ZFAND6: variants seen among roughly 807,000 people sequenced by gnomAD.
ZFAND6 encodes AN1-type zinc finger protein 6.
In ZFAND6, 12 loss-of-function variants were observed where a neutral mutation model predicts 24.5. The ratio of observed to expected loss-of-function variants is 0.49; its 90% confidence interval spans 0.31 to 0.79. The LOEUF (loss-of-function observed/expected upper bound fraction) is 0.79. Ranked by LOEUF, ZFAND6 falls within the 30% of genes least tolerant of loss-of-function variation. ZFAND6 has a pLI of 0.04. For synonymous variants in ZFAND6, 92 were observed against 81.5 expected (o/e 1.13, Z -0.69); for missense variants, 207 against 245.9 (o/e 0.84, Z 1.06).
At chr15:80,085,920 A>T (rs2037972311) in intron 1 of ZFAND6, among the ~76,000 whole-genome samples, 1 of 152,108 alleles carries the variant, frequency 6.6e-6, no homozygotes, top group Non-Finnish European at 1.5e-5. Context: ...ACCATTGTGT[A>T]TTACTCTCTT....
chr15:80,106,140 T>C (rs1345685984), intron 2 of ZFAND6, among the ~76,000 whole-genome samples: 1 of 152,216 alleles, frequency 6.6e-6, no homozygotes, highest in Non-Finnish European at 1.5e-5. Context: ...TATCAAGATA[T>C]CCTTGAACAA....
At chr15:80,107,991 T>A (rs2039425035) in intron 2 of ZFAND6, among the ~76,000 whole-genome samples, 1 of 152,076 alleles carries the variant, frequency 6.6e-6, no homozygotes, top group Non-Finnish European at 1.5e-5. Flanking sequence ...TTGGGTTGAA[T>A]CCCAGCTCCT....
At chr15:80,084,205 C>T (rs534802771) in intron 1 of ZFAND6, among the ~76,000 whole-genome samples, 1 of 152,198 alleles carries the variant, frequency 6.6e-6, no homozygotes, top group African/African-American at 2.4e-5. Context: ...TTCAGAGAGG[C>T]AAGAGATTAA....
chr15:80,122,140 A>T (rs577135451), intron 4 of ZFAND6, among the ~76,000 whole-genome samples: 2 of 152,226 alleles, frequency 1.3e-5, no homozygotes, highest in South Asian at 2.1e-4. Context: ...ACCGTGTATT[A>T]AAAAAATACA....
In ZFAND6 at chr15:80,098,416, G is replaced by A. The variant is rs759930995; in HGVS notation, c.-180G>A. On this transcript the variant is annotated splice_region_variant and 5_prime_UTR_variant, in exon 2 of 7. Transcript: ENST00000261749. Reference sequence around the variant, plus strand: ...CTGTTTCATGTTAAATGTGTTACAGGAATGAATCTGAAGTCTGCTGCAGTA... The same window carrying A: ...CTGTTTCATGTTAAATGTGTTACAGAAATGAATCTGAAGTCTGCTGCAGTA... 2.0e-5 allele frequency: 3 copies of A among 152,116 alleles called. No individual in the cohort carries two copies. Among genetic ancestry groups the A allele is most frequent in the African/African-American group, 4.8e-5 (2 of 41,424 alleles). The allele number at this position is 152,116 out of a possible 1,614,324, so 9.4% of individuals were successfully genotyped here. A position where few individuals can be genotyped will look rare whatever the true frequency, so the allele number is the denominator to read the frequency against.
At chr15:80,066,319 T>TAA (rs57890328) in intron 1 of ZFAND6, among the ~76,000 whole-genome samples, 21 of 130,506 alleles carry the variant, frequency 1.6e-4, no homozygotes, top group Admixed American at 2.3e-4. Flanking sequence ...TATCGAAACA[T>TAA]AAAAAAAAAA....
intron 1 of ZFAND6, among the ~76,000 whole-genome samples, chr15:80,076,741 C>G (rs1018626305): frequency 1.7e-4 from 26 of 152,104 alleles, no homozygotes; most frequent in African/African-American, 6.0e-4. Context: ...AAGTCCTTTC[C>G]TTTACACACT....
chr15:80,130,823 T>C (rs1284642053), intron 5 of ZFAND6: 1 of 191,796 alleles, frequency 5.2e-6, no homozygotes, highest in African/African-American at 2.3e-5. Flanking sequence ...ACTATGCATA[T>C]GGCTATTGTC....
At chr15:80,105,813 C>T (rs1012492498) in intron 2 of ZFAND6, among the ~76,000 whole-genome samples, 2 of 152,152 alleles carry the variant, frequency 1.3e-5, no homozygotes, top group Non-Finnish European at 2.9e-5. Flanking sequence ...GTCATCCCTA[C>T]AAGGTGTGTT....
intron 5 of ZFAND6, 131 bp from the exon 6 acceptor site, chr15:80,131,049 A>C: frequency 1.6e-6 from 1 of 609,690 alleles, no homozygotes; most frequent in Non-Finnish European, 2.7e-6. Context: ...ACAACTTTGT[A>C]ATTTAATGAC....
intron 1 of ZFAND6, among the ~76,000 whole-genome samples, chr15:80,064,211 C>G (rs1453007677): frequency 6.6e-6 from 1 of 152,136 alleles, no homozygotes; most frequent in Non-Finnish European, 1.5e-5. Flanking sequence ...ATCACTGAAT[C>G]AAAGCATATG....
At chr15:80,097,727 A>G (rs1238897330) in intron 1 of ZFAND6, among the ~76,000 whole-genome samples, 1 of 152,232 alleles carries the variant, frequency 6.6e-6, no homozygotes, top group Non-Finnish European at 1.5e-5. Context: ...CCTATGTAAT[A>G]CATATTTGCT....
At chr15:80,101,884 C>T (rs1419414012) in intron 2 of ZFAND6, among the ~76,000 whole-genome samples, 4 of 150,868 alleles carry the variant, frequency 2.7e-5, no homozygotes. Context: ...GCTCTGCCTC[C>T]TGGGTTCATG....
chr15:80,061,699 G>A (rs1235557247), intron 1 of ZFAND6, among the ~76,000 whole-genome samples: 2 of 152,108 alleles, frequency 1.3e-5, no homozygotes, highest in African/African-American at 4.8e-5. Flanking sequence ...CACTTCGACC[G>A]TGTTTTTATT....
intron 1 of ZFAND6, among the ~76,000 whole-genome samples, chr15:80,091,903 G>A (rs150805683): frequency 1.8e-3 from 271 of 152,278 alleles, no homozygotes; most frequent in African/African-American, 6.1e-3. Flanking sequence ...GCCTCCCAAA[G>A]TGCTGAGATT....
intron 2 of ZFAND6, among the ~76,000 whole-genome samples, chr15:80,106,288 A>T (rs974378010): frequency 2.0e-5 from 3 of 152,348 alleles, no homozygotes; most frequent in African/African-American, 7.2e-5. Context: ...TGTGCCTGGC[A>T]TTAATCTAGA....
At chr15:80,113,010 C>T (rs2039688105) in intron 2 of ZFAND6, among the ~76,000 whole-genome samples, 2 of 150,400 alleles carry the variant, frequency 1.3e-5, no homozygotes, top group South Asian at 4.2e-4. Flanking sequence ...CGGAGTGTGA[C>T]AGGAGCTCGT....
intron 2 of ZFAND6, among the ~76,000 whole-genome samples, chr15:80,106,585 GTTTT>G (rs3082081): frequency 7.6e-6 from 1 of 131,354 alleles, no homozygotes; most frequent in Admixed American, 7.5e-5. Flanking sequence ...TGTTAAATTT[GTTTT>G]TTTTTTTTTT....
At chr15:80,075,754 A>G (rs1176558899) in intron 1 of ZFAND6, among the ~76,000 whole-genome samples, 8 of 152,114 alleles carry the variant, frequency 5.3e-5, no homozygotes, top group South Asian at 2.1e-4. Context: ...TGATGTGTCT[A>G]TGAACTTGTT....
Sources: allele counts gnomAD v4.1 joint callset (sites outside exome capture counted in the v4.1 genomes callset), GRCh38; gene constraint gnomAD v4.1.1; transcripts MANE v1.5; gene names NCBI Gene and HGNC (gene_info 2026-07-23, HGNC 2026-07-21).